The following CHP1 variants were observed in gnomAD, a reference collection of about 807,000 sequenced individuals.
CHP1 encodes the protein calcineurin B homologous protein 1.
Under a neutral mutation model 27.4 loss-of-function variants are expected in CHP1, and 11 were observed. The ratio of observed to expected loss-of-function variants is 0.40; its 90% CI spans 0.25 to 0.67. The LOEUF (loss-of-function observed/expected upper bound fraction) is 0.67, where lower values mean the gene tolerates loss of function less well. CHP1 is among the 30% of genes least tolerant of loss of function. The probability of loss-of-function intolerance (pLI) is 0.38; values close to 1 mark genes in which losing one functional copy is unlikely to be tolerated. For synonymous variants in CHP1, 89 were observed against 87.4 expected (o/e 1.02, Z -0.10); for missense variants, 169 against 251.3 (o/e 0.67, Z 2.22).
At chr15:41,238,418 C>T (rs1185010712) in intron 1 of CHP1, among the ~76,000 whole-genome samples, 2 of 151,812 alleles carry the variant, frequency 1.3e-5, no homozygotes, top group East Asian at 2.0e-4. Context: ...CCACTTTAGC[C>T]TCCCAAAGTG....
chr15:41,275,520 T>G (rs1047817265), intron 5 of CHP1, among the ~76,000 whole-genome samples: 2 of 152,218 alleles, frequency 1.3e-5, no homozygotes, highest in Admixed American at 1.3e-4. Context: ...AATCAGTATT[T>G]CAGCTTTTTT....
chr15:41,275,476 T>C (rs2047514857), intron 5 of CHP1, among the ~76,000 whole-genome samples: 1 of 152,176 alleles, frequency 6.6e-6, no homozygotes, highest in Non-Finnish European at 1.5e-5. Flanking sequence ...TTTTCAAGAA[T>C]TGGTTTATTT....
intron 5 of CHP1, 119 bp from the exon 6 acceptor site, chr15:41,278,648 A>G: frequency 8.3e-7 from 1 of 1,201,142 alleles, no homozygotes; most frequent in Non-Finnish European, 1.2e-6. Flanking sequence ...TATGCAGTGC[A>G]TGACTGTATT....
chr15:41,276,311 T>C (rs2047519601), intron 5 of CHP1, among the ~76,000 whole-genome samples: 1 of 152,042 alleles, frequency 6.6e-6, no homozygotes, highest in African/African-American at 2.4e-5. Context: ...AGGAAGTCTA[T>C]GAGCCACTGG....
At chr15:41,247,092 G>A (rs764766988) in intron 2 of CHP1, among the ~76,000 whole-genome samples, 7 of 152,000 alleles carry the variant, frequency 4.6e-5, no homozygotes, top group Non-Finnish European at 7.4e-5. Flanking sequence ...AGGGCCAAGC[G>A]CAGTGGCTTA....
intron 4 of CHP1, among the ~76,000 whole-genome samples, chr15:41,266,395 G>C (rs1360551418): frequency 6.6e-6 from 1 of 151,984 alleles, no homozygotes; most frequent in Non-Finnish European, 1.5e-5. Context: ...TTCATCTTAG[G>C]CCCAGGGCAT....
intron 2 of CHP1, 61 bp from the exon 3 acceptor site, chr15:41,256,849 C>A: frequency 7.2e-7 from 1 of 1,383,894 alleles, no homozygotes; most frequent in Non-Finnish European, 1.0e-6. Context: ...TACCTCCTGA[C>A]TTAAGGAGTT....
rs1397610352 is a variant in CHP1, at chr15:41,231,344, T to C, written c.-39T>C. ...CTCCTTCCCTCCTGTCGCCGTCTCT[T>C]CTGGCGCCGCTGCTCCCGGAGGAGC... On this transcript the variant is annotated 5_prime_UTR_variant, in exon 1 of 7. Coordinates refer to ENST00000334660, the MANE Select transcript of CHP1 (RefSeq NM_007236.5). 6.4e-7 allele frequency: 1 copy of C among 1,568,546 alleles called. No individual in the cohort carries two copies. The highest frequency in any genetic ancestry group is 2.3e-5 in the East Asian group (1 of 43,208).
chr15:41,262,237 TAAG>T (rs1408954694), intron 3 of CHP1, among the ~76,000 whole-genome samples: 2 of 151,776 alleles, frequency 1.3e-5, no homozygotes, highest in East Asian at 1.9e-4. Flanking sequence ...AATAAATAAA[TAAG>T]AAAAATTAAA....
chr15:41,274,054 G>A (rs565407278), intron 5 of CHP1, among the ~76,000 whole-genome samples: 10 of 151,886 alleles, frequency 6.6e-5, no homozygotes, highest in East Asian at 3.9e-4. Context: ...TCCGCCTCCC[G>A]GGTTCAAGTG....
intron 4 of CHP1, among the ~76,000 whole-genome samples, chr15:41,269,550 A>G (rs984893231): frequency 2.6e-5 from 4 of 152,160 alleles, no homozygotes; most frequent in African/African-American, 9.7e-5. Context: ...CAGCTGCACC[A>G]GAAAGCCACG....
intron 5 of CHP1, among the ~76,000 whole-genome samples, chr15:41,277,673 A>G (rs1595484095): frequency 6.6e-6 from 1 of 152,132 alleles, no homozygotes; most frequent in East Asian, 1.9e-4. Flanking sequence ...CTGTAATCCC[A>G]GCTACTCGGG....
rs1327998309 is a variant in CHP1, at chr15:41,278,410, ACT to A, written c.412-354_412-353del. Among the ~76,000 whole-genome samples, 9 of 151,956 alleles carry A rather than the reference ACT, an allele frequency of 5.9e-5. No individual in the cohort carries two copies. The East Asian group carries it at 1.7e-3, about 29-fold the overall frequency. On this transcript the variant is annotated intron_variant, in intron 5 of 6. Coordinates refer to ENST00000334660, the MANE Select transcript of CHP1 (RefSeq NM_007236.5). ...ATATGCAGGTTAGTTATGTAGGTAA[ACT>A]CTTGTCATGGGGGTTTGATGTACAG...
At chr15:41,233,180 G>A (rs770198636) in intron 1 of CHP1, among the ~76,000 whole-genome samples, 2 of 152,148 alleles carry the variant, frequency 1.3e-5, no homozygotes, top group Non-Finnish European at 2.9e-5. Context: ...ATAACTTCTG[G>A]CCACATTTGT....
intron 1 of CHP1, among the ~76,000 whole-genome samples, chr15:41,236,418 C>G: frequency 6.6e-6 from 1 of 151,996 alleles, no homozygotes; most frequent in East Asian, 1.9e-4. Flanking sequence ...CATGCCACCA[C>G]GCCTGGCTAA....
chr15:41,242,686 G>T (rs1440953600), intron 1 of CHP1, among the ~76,000 whole-genome samples: 1 of 151,812 alleles, frequency 6.6e-6, no homozygotes, highest in African/African-American at 2.4e-5. Flanking sequence ...GCTCATGCCT[G>T]TAATCCCAGC....
At chr15:41,269,314 A>G (rs1267373219) in intron 4 of CHP1, among the ~76,000 whole-genome samples, 2 of 152,258 alleles carry the variant, frequency 1.3e-5, no homozygotes, top group African/African-American at 4.8e-5. Flanking sequence ...GAATTCTGAT[A>G]TATACCTTAC....
At chr15:41,238,144 T>C (rs370110786) in intron 1 of CHP1, among the ~76,000 whole-genome samples, 1 of 152,130 alleles carries the variant, frequency 6.6e-6, no homozygotes, top group East Asian at 1.9e-4. Flanking sequence ...AACAGGGTCT[T>C]TTTTTGTTTT....
chr15:41,276,615 T>G (rs958612621), intron 5 of CHP1, among the ~76,000 whole-genome samples: 1 of 152,216 alleles, frequency 6.6e-6, no homozygotes, highest in South Asian at 2.1e-4. Context: ...TTAAATTCTC[T>G]TACTCAATTC....
Sources: allele counts gnomAD v4.1 joint callset (sites outside exome capture counted in the v4.1 genomes callset), GRCh38; gene constraint gnomAD v4.1.1; transcripts MANE v1.5; gene names NCBI Gene and HGNC (gene_info 2026-07-23, HGNC 2026-07-21).